Variants in INTS6 observed in about 807,000 individuals in gnomAD.
INTS6 encodes the protein DEAD box protein.
A neutral mutation model predicts 104.9 loss-of-function variants in INTS6; 16 were observed. That is an observed-to-expected ratio of 0.15 (90% CI 0.10 to 0.23). The LOEUF is 0.23. Among genes scored for constraint, INTS6 ranks in the 10% least tolerant of loss-of-function variants. INTS6 has a pLI of 1.00. For missense variants in INTS6, 584 were observed against 1,062.8 expected (o/e 0.55, Z 6.26); for synonymous variants, 324 against 358.7 (o/e 0.90, Z 1.09).
intron 5 of INTS6, among the ~76,000 whole-genome samples, chr13:51,390,914 C>G (rs542055759): frequency 6.6e-6 from 1 of 152,114 alleles, no homozygotes; most frequent in South Asian, 2.1e-4. Flanking sequence ...CCCCATTTTA[C>G]AAATGAGAAC....
chr13:51,360,471 T>C (rs1955555510), downstream of INTS6, among the ~76,000 whole-genome samples: 1 of 152,094 alleles, frequency 6.6e-6, no homozygotes, highest in African/African-American at 2.4e-5. Flanking sequence ...TCTAAATCTT[T>C]CATTTTTTAC....
At chr13:51,378,563 GAAGTT>G in intron 11 of INTS6, 109 bp from the exon 12 acceptor site, 1 of 578,122 alleles carries the variant, frequency 1.7e-6, no homozygotes, top group Non-Finnish European at 2.6e-6. Flanking sequence ...AAGTATATAA[GAAGTT>G]AAAAACTCAA....
At chr13:51,377,574 G>C (rs1955959742) in intron 12 of INTS6, among the ~76,000 whole-genome samples, 1 of 152,004 alleles carries the variant, frequency 6.6e-6, no homozygotes, top group Admixed American at 6.6e-5. Flanking sequence ...TTAAAAGACT[G>C]TCTTCTTATC....
chr13:51,405,809 C>T (rs960572066), intron 4 of INTS6, among the ~76,000 whole-genome samples: 1 of 152,140 alleles, frequency 6.6e-6, no homozygotes, highest in Non-Finnish European at 1.5e-5. Flanking sequence ...CCATCTTGTA[C>T]GTTCCAGTCC....
At chr13:51,346,352 T>A in the INTS6 span, among the ~76,000 whole-genome samples, 1 of 152,056 alleles carries the variant, frequency 6.6e-6, no homozygotes, top group Non-Finnish European at 1.5e-5. Flanking sequence ...GTGCAGGATC[T>A]CCCATCACAG....
At chr13:51,404,096 A>T (rs1270890838) in intron 4 of INTS6, among the ~76,000 whole-genome samples, 1 of 144,518 alleles carries the variant, frequency 6.9e-6, no homozygotes, top group Admixed American at 6.8e-5. Context: ...ACACACACAC[A>T]CACACACAGA....
At position 51,361,663 on chromosome 13, in the gene INTS6, C is replaced by T. The variant is rs1955579630; in HGVS notation, c.*4089G>A. 1.0e-5 allele frequency: 7 copies of T among 674,936 alleles called. No homozygotes were observed. The highest frequency in any genetic ancestry group is 2.4e-6 in the Non-Finnish European group (1 of 414,728). 41.8% of individuals were successfully genotyped at this position (674,936 alleles called of 1,614,324 possible). On this transcript the variant is annotated 3_prime_UTR_variant, in exon 18 of 18. Coordinates refer to ENST00000311234, the MANE Select transcript of INTS6 (RefSeq NM_012141.3). ...AATGGCATCTTTTCTCTTTAATTTT[C>T]CCATCTGCACCCCCATCACAACAGT...
At chr13:51,386,826 T>G (rs918294818) in intron 7 of INTS6, among the ~76,000 whole-genome samples, 1 of 152,150 alleles carries the variant, frequency 6.6e-6, no homozygotes, top group Non-Finnish European at 1.5e-5. Flanking sequence ...TGTATAAATG[T>G]ACCCTATTAT....
intron 3 of INTS6, chr13:51,448,326 A>G (rs1010680055): frequency 1.3e-5 from 2 of 152,250 alleles, no homozygotes; most frequent in Admixed American, 6.5e-5. Context: ...AAGATTGACT[A>G]AAGGCTATAC....
chr13:51,347,132 AAG>A, the INTS6 span: 1 of 1,613,748 alleles, frequency 6.2e-7, no homozygotes, highest in Non-Finnish European at 8.5e-7. Context: ...CACTTGGCGA[AAG>A]AGATTCTCCT....
At chr13:51,451,957 G>T (rs773187727) in intron 2 of INTS6, 21 bp downstream of exon 2, 4 of 1,595,910 alleles carry the variant, frequency 2.5e-6, no homozygotes, top group South Asian at 1.1e-5. Context: ...GGGAGGAAAG[G>T]GGGAGGGCGA....
intron 3 of INTS6, chr13:51,450,776 T>G (rs1953024708): frequency 1.8e-6 from 2 of 1,115,990 alleles, no homozygotes; most frequent in African/African-American, 1.6e-5. Context: ...TTAAAACCAA[T>G]GTATGTCAAC....
At chr13:51,441,341 AAATT>A (rs1282640601) in intron 3 of INTS6, 1 of 152,216 alleles carries the variant, frequency 6.6e-6, no homozygotes, top group Non-Finnish European at 1.5e-5. Context: ...TTACAATAAT[AAATT>A]ATGTTGTACA....
Position 51,429,391 on chromosome 13 carries a change from A to C in INTS6, c.429+903T>G, listed in dbSNP as rs573269248. ...TAGTAAAAACACCTTAAAATTAAAA[A>C]AATCTATTATATTCATTATACCACA... On this transcript the variant is annotated intron_variant, in intron 4 of 17. Transcript: ENST00000311234. 4.9e-4 allele frequency among the ~76,000 whole-genome samples: 75 copies of C among 152,286 alleles called. No individual in the cohort carries two copies. The South Asian group carries it at 0.015, about 31-fold the overall frequency.
At chr13:51,409,700 A>G (rs532428681) in intron 4 of INTS6, among the ~76,000 whole-genome samples, 5 of 152,178 alleles carry the variant, frequency 3.3e-5, no homozygotes, top group Non-Finnish European at 7.4e-5. Context: ...AATGTTAACA[A>G]ATTAATGTTA....
chr13:51,374,566 G>C lies in INTS6; in HGVS notation c.1872+88C>G, dbSNP rs376057979. The C allele has an allele frequency of 2.9e-5, 45 of 1,540,500 alleles. No individual in the cohort carries two copies. In the East Asian group the frequency reaches 6.1e-4, roughly 21 times the overall value. On this transcript the variant is annotated intron_variant, in intron 14 of 17. Transcript: ENST00000311234. Reference sequence around the variant, plus strand: ...TATTAGATACTCTACCAGGAAAATAGCTTCAGCTTACTTCAGTTAAATTAA... The same window carrying C: ...TATTAGATACTCTACCAGGAAAATACCTTCAGCTTACTTCAGTTAAATTAA...
At chr13:51,451,720 G>GCGC (rs551582945) in intron 2 of INTS6, 33,462 of 193,252 alleles carry the variant, frequency 0.17, 3,077 homozygotes, top group South Asian at 0.27. Flanking sequence ...GTTGATAGCA[G>GCGC]CGCCGCCGCC....
the INTS6 span, among the ~76,000 whole-genome samples, chr13:51,336,029 A>AC: frequency 1.3e-5 from 2 of 152,230 alleles, no homozygotes; most frequent in African/African-American, 4.8e-5. Flanking sequence ...AACCCTCTGC[A>AC]CCTGAGGCAG....
At chr13:51,379,705 G>A (rs923418064) in intron 10 of INTS6, 133 bp from the exon 11 acceptor site, 58 of 446,810 alleles carry the variant, frequency 1.3e-4, no homozygotes, top group East Asian at 2.5e-4. Context: ...TAACACAATC[G>A]TATTTATGTT....
Sources: allele counts gnomAD v4.1 joint callset (sites outside exome capture counted in the v4.1 genomes callset), GRCh38; gene constraint gnomAD v4.1.1; transcripts MANE v1.5; gene names NCBI Gene and HGNC (gene_info 2026-07-23, HGNC 2026-07-21).